MAP3K20: variants seen among roughly 807,000 people sequenced by gnomAD.
The protein encoded by MAP3K20 is HCCS-4.
A neutral mutation model predicts 85.7 loss-of-function variants in MAP3K20; 40 were observed. The observed-to-expected ratio is 0.47, with a 90% confidence interval of 0.36 to 0.61. The LOEUF is 0.61. Among genes scored for constraint, MAP3K20 ranks in the 20% least tolerant of loss-of-function variants. The pLI, the probability that MAP3K20 is intolerant of heterozygous loss-of-function variation, is 0.00. For synonymous variants in MAP3K20, 325 were observed against 327.7 expected (o/e 0.99, Z 0.09); for missense variants, 817 against 961.7 (o/e 0.85, Z 1.99).
intron 18 of MAP3K20, among the ~76,000 whole-genome samples, chr2:173,261,451 A>T (rs968236563): frequency 3.9e-5 from 6 of 152,070 alleles, no homozygotes; most frequent in Non-Finnish European, 7.4e-5. Flanking sequence ...GTTAATACTA[A>T]TTTTTTTTAA....
chr2:173,077,600 T>G (rs1686902852), intron 1 of MAP3K20, among the ~76,000 whole-genome samples: 1 of 152,164 alleles, frequency 6.6e-6, no homozygotes, highest in South Asian at 2.1e-4. Flanking sequence ...CTACTATAAC[T>G]TTTTGAGATT....
intron 2 of MAP3K20, among the ~76,000 whole-genome samples, chr2:173,103,973 C>G (rs1460139387): frequency 6.6e-6 from 1 of 152,154 alleles, no homozygotes; most frequent in Admixed American, 6.5e-5. Context: ...GATACTGGAA[C>G]TACACTGGTA....
intron 11 of MAP3K20, chr2:173,223,219 T>C (rs549683299): frequency 1.5e-4 from 144 of 985,392 alleles, no homozygotes; most frequent in African/African-American, 1.1e-3. Context: ...CTAGGTGGCA[T>C]AGTGATGAAG....
chr2:173,172,801 TTTTC>T (rs1690037323), intron 3 of MAP3K20, among the ~76,000 whole-genome samples: 1 of 151,308 alleles, frequency 6.6e-6, no homozygotes, highest in Admixed American at 6.6e-5. Flanking sequence ...TTTTCTTTTC[TTTTC>T]TTTTTTTTTT....
Position 173,266,412 on chromosome 2 carries a change from A to G in MAP3K20, c.2065A>G (p.Asn689Asp), listed in dbSNP as rs199876370. 288 of 1,614,032 alleles carry G rather than the reference A, an allele frequency of 1.8e-4. No homozygotes were observed. The highest frequency in any genetic ancestry group is 1.7e-5 in the Non-Finnish European group (20 of 1,180,034). The part of the protein sequence containing the change: ...NKYGRGSISL[N>D]SSPRGRYSGK... The stretch of plus-strand genomic sequence containing the variant: ...ATATGGACGTGGTAGTATATCACTC[A>G]ATTCTTCTCCTAGAGGAAGATACAG... The change falls in exon 20 of 20, where the codon AAT (asparagine) becomes GAT (aspartate). Residue 689 changes from asparagine to aspartate, a missense_variant. Asn to Asp is a conservative substitution (Grantham distance 23, BLOSUM62 1). Transcript: ENST00000375213.
At chr2:173,254,042 G>C (rs1184049394) in intron 16 of MAP3K20, among the ~76,000 whole-genome samples, 2 of 145,228 alleles carry the variant, frequency 1.4e-5, no homozygotes, top group Non-Finnish European at 1.5e-5. Context: ...CTGCCCTCCA[G>C]CCCGGGTGAC....
At chr2:173,087,829 A>G (rs935675209) in intron 1 of MAP3K20, among the ~76,000 whole-genome samples, 2 of 135,636 alleles carry the variant, frequency 1.5e-5, no homozygotes, top group Non-Finnish European at 3.1e-5. Context: ...TGTGTGTTCT[A>G]TTCAGGTAAC....
At chr2:173,201,575 G>A (rs1486459250) in intron 8 of MAP3K20, among the ~76,000 whole-genome samples, 1 of 152,080 alleles carries the variant, frequency 6.6e-6, no homozygotes, top group Non-Finnish European at 1.5e-5. Context: ...GTAGAAAATG[G>A]TGCAAAAATG....
At chr2:173,189,259 T>G (rs1690580577) in intron 5 of MAP3K20, among the ~76,000 whole-genome samples, 1 of 152,204 alleles carries the variant, frequency 6.6e-6, no homozygotes, top group Non-Finnish European at 1.5e-5. Context: ...TTTGTAAAAG[T>G]TTGTAGCTTA....
chr2:173,125,674 TA>T (rs1688420611), intron 2 of MAP3K20, among the ~76,000 whole-genome samples: 1 of 152,124 alleles, frequency 6.6e-6, no homozygotes, highest in Admixed American at 6.5e-5. Flanking sequence ...TTTATTTATT[TA>T]TTTCTGAGAT....
Position 173,208,609 on chromosome 2 carries a change from C to G in MAP3K20, c.745-1120C>G, listed in dbSNP as rs140857203. On this transcript the variant is annotated intron_variant, in intron 9 of 19. Coordinates refer to ENST00000375213, the MANE Select transcript of MAP3K20 (RefSeq NM_016653.3). ...ACAGGCACACACATGCACACAAGTG[C>G]CCTTGAAAGAGAATAATAATGGCAG... Among the ~76,000 whole-genome samples the G allele has an allele frequency of 3.2e-4, 48 of 152,176 alleles. No homozygotes were observed. In the East Asian group the frequency reaches 8.7e-3, roughly 27 times the overall value.
chr2:173,170,371 C>T (rs1412018170), intron 3 of MAP3K20, among the ~76,000 whole-genome samples: 1 of 152,178 alleles, frequency 6.6e-6, no homozygotes, highest in Admixed American at 6.5e-5. Flanking sequence ...TGACCTTGAT[C>T]TAAATTATCA....
chr2:173,191,513 A>G (rs2358087), intron 7 of MAP3K20, among the ~76,000 whole-genome samples: 34,614 of 152,078 alleles, frequency 0.23, 4,106 homozygotes, highest in African/African-American at 0.27. Flanking sequence ...TGTAATTTCA[A>G]TGGAAATGTG....
chr2:173,075,900 C>G lies in MAP3K20; in HGVS notation c.-137C>G, dbSNP rs2106127059. 2 of 985,176 alleles carry G rather than the reference C, an allele frequency of 2.0e-6. No homozygotes were observed. The highest frequency in any genetic ancestry group is 6.2e-5 in the Admixed American group (1 of 16,260). 61.0% of individuals were successfully genotyped at this position (985,176 alleles called of 1,614,324 possible). On this transcript the variant is annotated 5_prime_UTR_variant, in exon 1 of 20. Coordinates refer to ENST00000375213, the MANE Select transcript of MAP3K20 (RefSeq NM_016653.3). ...GTTCAACTCCTAACTGCAGCGGAAA[C>G]GTGGGAGCCGCGCGGGCCGCTGTCG...
At chr2:173,163,444 AAAGGACAT>A (rs1215942288) in intron 2 of MAP3K20, among the ~76,000 whole-genome samples, 3 of 152,220 alleles carry the variant, frequency 2.0e-5, no homozygotes, top group South Asian at 2.1e-4. Context: ...ATGTTTCTGC[AAAGGACAT>A]AATCTTGTTC....
At chr2:173,232,589 C>T (rs41268711) in intron 14 of MAP3K20, 130 bp downstream of exon 14, 33,308 of 1,367,536 alleles carry the variant, frequency 0.024, 476 homozygotes, top group Admixed American at 0.04. Flanking sequence ...TTGCACCCTC[C>T]GCCTCCTGGG....
intron 16 of MAP3K20, among the ~76,000 whole-genome samples, chr2:173,254,289 G>A (rs879824693): frequency 1.3e-5 from 2 of 151,456 alleles, no homozygotes; most frequent in African/African-American, 2.4e-5. Context: ...TTAGCTGGGC[G>A]TGGTGGCGGG....
At chr2:173,194,764 G>GT (rs1690771941) in intron 7 of MAP3K20, among the ~76,000 whole-genome samples, 9 of 126,182 alleles carry the variant, frequency 7.1e-5, no homozygotes, top group Admixed American at 4.4e-4. Flanking sequence ...TTAAAAAAAA[G>GT]GTTTTTTTTT....
intron 2 of MAP3K20, among the ~76,000 whole-genome samples, chr2:173,092,513 C>G (rs1687330230): frequency 6.6e-6 from 1 of 152,152 alleles, no homozygotes; most frequent in African/African-American, 2.4e-5. Flanking sequence ...TTAAGCTGCC[C>G]CAGGAGGGGC....
Sources: gnomAD v4.1 joint callset for allele counts (sites outside exome capture counted in the v4.1 genomes callset) on GRCh38, gnomAD v4.1.1 for gene constraint, MANE v1.5 for transcripts, NCBI Gene and HGNC (gene_info 2026-07-23, HGNC 2026-07-21) for gene names.